The following ZNF423 variants were observed in gnomAD, a reference collection of about 807,000 sequenced individuals.
ZNF423 encodes the protein zinc finger protein 423, also known as Ebf-associated zinc finger protein.
ZNF423 carries 12 observed loss-of-function variants against 95.8 expected under a neutral mutation model. The ratio of observed to expected loss-of-function variants is 0.13; its 90% confidence interval spans 0.08 to 0.20. The LOEUF is 0.20. Among genes scored for constraint, ZNF423 ranks in the 10% least tolerant of loss-of-function variants. The pLI is 1.00. For missense variants in ZNF423, 1,316 were observed against 1,737.1 expected (o/e 0.76, Z 4.31); for synonymous variants, 749 against 711.9 (o/e 1.05, Z -0.83).
Position 49,855,106 on chromosome 16 carries a change from G to A in ZNF423, c.40+629C>T. 5.3e-6 allele frequency: 5 copies of A among 947,416 alleles called. No homozygotes were observed. The highest frequency in any genetic ancestry group is 6.3e-6 in the Non-Finnish European group (5 of 796,006). The allele number at this position is 947,416 out of a possible 1,614,324, so 58.7% of individuals were successfully genotyped here. A position where few individuals can be genotyped will look rare whatever the true frequency, so the allele number is the denominator to read the frequency against. On this transcript the variant is annotated intron_variant, in intron 1 of 7. Transcript: ENST00000563137. This position sits in a 1 kb window ranked among gnomAD's most constrained non-coding sequence, Gnocchi z 4.7. ...CTCGGTGGAGGAGGCAGGAAGTGCA[G>A]GGGCCCGGGCCGGGAGAAGGCCTGG... is the stretch of plus-strand genomic sequence containing the variant.
At chr16:49,691,467 T>G (rs1325742132) in intron 3 of ZNF423, among the ~76,000 whole-genome samples, 1 of 152,202 alleles carries the variant, frequency 6.6e-6, no homozygotes, top group Non-Finnish European at 1.5e-5. Context: ...GCGCAGTGGC[T>G]CACGCCTGTA....
intron 1 of ZNF423, among the ~76,000 whole-genome samples, chr16:49,800,921 G>A (rs139553787): frequency 1.1e-3 from 170 of 152,234 alleles, no homozygotes; most frequent in African/African-American, 3.9e-3. Flanking sequence ...TTCACCCCTC[G>A]TTCTGTCCTG....
At position 49,603,990 on chromosome 16, in the gene ZNF423, G is replaced by C. The variant is rs1438357569; in HGVS notation, c.3601+22180C>G. Among the ~76,000 whole-genome samples the C allele has an allele frequency of 6.6e-6, 1 of 152,218 alleles. No homozygotes were observed. The highest frequency in any genetic ancestry group is 1.9e-4 in the East Asian group (1 of 5,192). On this transcript the variant is annotated intron_variant, in intron 5 of 7. Transcript: ENST00000563137. This position sits in a 1 kb window ranked among gnomAD's most constrained non-coding sequence, Gnocchi z 4.1. ...AAGCCAAGCCCTGATACAGGGAGAA[G>C]CTTTTGATAGCAGGAACCCATTTGA...
intron 5 of ZNF423, among the ~76,000 whole-genome samples, chr16:49,592,892 T>C (rs1489835514): frequency 6.6e-6 from 1 of 152,224 alleles, no homozygotes; most frequent in Non-Finnish European, 1.5e-5. Flanking sequence ...AACTTCTCAC[T>C]GCCATCCATA....
chr16:49,657,057 A>G (rs1286074235), intron 3 of ZNF423, among the ~76,000 whole-genome samples: 1 of 152,204 alleles, frequency 6.6e-6, no homozygotes, highest in Non-Finnish European at 1.5e-5. Context: ...GTTCAGGGGC[A>G]CAAGCATTCT....
intron 1 of ZNF423, among the ~76,000 whole-genome samples, chr16:49,797,402 C>G (rs988172205): frequency 6.6e-6 from 1 of 152,220 alleles, no homozygotes; most frequent in African/African-American, 2.4e-5. Context: ...GTGCCCATTC[C>G]TTTGCACAAA....
chr16:49,792,512 G>C (rs571446059), intron 1 of ZNF423, among the ~76,000 whole-genome samples: 1 of 152,298 alleles, frequency 6.6e-6, no homozygotes, highest in East Asian at 1.9e-4. Context: ...CAGGCTTCCT[G>C]GTCCCTCACT....
At chr16:49,618,286 G>A (rs530775456) in intron 5 of ZNF423, among the ~76,000 whole-genome samples, 1 of 152,336 alleles carries the variant, frequency 6.6e-6, no homozygotes, top group Admixed American at 6.5e-5. Flanking sequence ...TGCAGATATG[G>A]AAAGAAGGGC....
At chr16:49,648,018 G>T (rs1416158865) in intron 3 of ZNF423, among the ~76,000 whole-genome samples, 3 of 152,122 alleles carry the variant, frequency 2.0e-5, no homozygotes, top group Non-Finnish European at 4.4e-5. Flanking sequence ...TGGAAACATA[G>T]ATATTAATGA....
chr16:49,515,800 G>C (rs1475080923), intron 7 of ZNF423, among the ~76,000 whole-genome samples: 1 of 152,234 alleles, frequency 6.6e-6, no homozygotes, highest in African/African-American at 2.4e-5. Context: ...AAGGCTCTTA[G>C]GATGGGGAGA....
At chr16:49,539,254 CACA>C (rs1969165625) in intron 5 of ZNF423, among the ~76,000 whole-genome samples, 1 of 152,160 alleles carries the variant, frequency 6.6e-6, no homozygotes, top group African/African-American at 2.4e-5. Context: ...GCTCTGGGTC[CACA>C]GATGCCACTC....
intron 5 of ZNF423, among the ~76,000 whole-genome samples, chr16:49,582,500 CA>C (rs933679652): frequency 2.0e-5 from 3 of 152,154 alleles, no homozygotes; most frequent in African/African-American, 7.2e-5. Flanking sequence ...GAAGCAGAAC[CA>C]AATGGGTTGA....
At chr16:49,655,455 C>T (rs1036605394) in intron 3 of ZNF423, among the ~76,000 whole-genome samples, 10 of 152,196 alleles carry the variant, frequency 6.6e-5, no homozygotes, top group South Asian at 6.2e-4. Context: ...GTGACCCCAA[C>T]GACCCAGGGC....
chr16:49,831,981 C>CAAAA (rs796358974), intron 1 of ZNF423, among the ~76,000 whole-genome samples: 4 of 122,616 alleles, frequency 3.3e-5, no homozygotes, highest in African/African-American at 1.2e-4. Context: ...AAGACTATCT[C>CAAAA]AAAAAAAAAA....
At chr16:49,791,258 G>A (rs1425824531) in intron 1 of ZNF423, among the ~76,000 whole-genome samples, 1 of 152,188 alleles carries the variant, frequency 6.6e-6, no homozygotes, top group East Asian at 1.9e-4. Context: ...AGTTACAGCT[G>A]GGGTGGGTTT....
chr16:49,836,062 C>G (rs1379372003), intron 1 of ZNF423, among the ~76,000 whole-genome samples: 1 of 152,150 alleles, frequency 6.6e-6, no homozygotes, highest in South Asian at 2.1e-4. Context: ...CCTAGCTGAG[C>G]CAACTGGACT....
intron 3 of ZNF423, among the ~76,000 whole-genome samples, chr16:49,724,986 C>T (rs773782454): frequency 1.2e-4 from 18 of 152,188 alleles, no homozygotes; most frequent in African/African-American, 2.7e-4. Context: ...TCACAGTCCC[C>T]AATCTGTGTT....
At chr16:49,802,007 C>T (rs1010342840) in intron 1 of ZNF423, among the ~76,000 whole-genome samples, 4 of 152,170 alleles carry the variant, frequency 2.6e-5, no homozygotes, top group Non-Finnish European at 5.9e-5. Flanking sequence ...TGCCATTATA[C>T]CCAGTCAGTT....
chr16:49,620,069 T>G (rs1972007642), intron 5 of ZNF423, among the ~76,000 whole-genome samples: 1 of 151,808 alleles, frequency 6.6e-6, no homozygotes, highest in African/African-American at 2.4e-5. Flanking sequence ...ATGTGCTTCA[T>G]AAAGACTTGT....
Sources: gnomAD v4.1 joint callset for allele counts (sites outside exome capture counted in the v4.1 genomes callset) on GRCh38, gnomAD v4.1.1 for gene constraint, Gnocchi (gnomAD v3.1) non-coding constraint, MANE v1.5 for transcripts, NCBI Gene and HGNC (gene_info 2026-07-23, HGNC 2026-07-21) for gene names.